Variants in TLE4 observed in about 807,000 individuals in gnomAD.
TLE4 encodes TLE family member 4, transcriptional corepressor.
Under a neutral mutation model 92.8 loss-of-function variants are expected in TLE4, and 8 were observed. That is an observed-to-expected ratio of 0.09 (90% CI 0.05 to 0.16). The LOEUF (loss-of-function observed/expected upper bound fraction) is 0.16, where lower values mean the gene tolerates loss of function less well. Among genes scored for constraint, TLE4 ranks in the 10% least tolerant of loss-of-function variants. TLE4 has a pLI of 1.00. For synonymous variants in TLE4, 371 were observed against 374.1 expected (o/e 0.99, Z 0.10); for missense variants, 675 against 997.6 (o/e 0.68, Z 4.36).
In TLE4 at chr9:79,649,754, A is replaced by G. The variant is rs914808937; in HGVS notation, c.391-2839A>G. 104 of 1,303,164 alleles carry G rather than the reference A, an allele frequency of 8.0e-5. No individual in the cohort carries two copies. In the African/African-American group the frequency reaches 1.4e-3, roughly 18 times the overall value. 80.7% of individuals were successfully genotyped at this position (1,303,164 alleles called of 1,614,324 possible). A position where few individuals can be genotyped will look rare whatever the true frequency, so the allele number is the denominator to read the frequency against. The stretch of plus-strand genomic sequence containing the variant: ...ACTGTGAATGTCATGTATAACTATG[A>G]TTTCTGCCTTTGAAAAGTTCTGGTC... On this transcript the variant is annotated intron_variant, in intron 6 of 19. Transcript: ENST00000376552.
At chr9:79,722,131 C>T (rs1331208209) in intron 17 of TLE4, among the ~76,000 whole-genome samples, 9 of 152,030 alleles carry the variant, frequency 5.9e-5, no homozygotes, top group Non-Finnish European at 1.2e-4. Flanking sequence ...TGCCACTGCA[C>T]TGCAGCCTGG....
At chr9:79,675,154 G>A (rs1365080838) in intron 8 of TLE4, among the ~76,000 whole-genome samples, 1 of 152,114 alleles carries the variant, frequency 6.6e-6, no homozygotes, top group Non-Finnish European at 1.5e-5. Flanking sequence ...TGATGAACAA[G>A]CACTTACACT....
At chr9:79,697,113 A>G (rs2068469254) in intron 8 of TLE4, among the ~76,000 whole-genome samples, 1 of 152,226 alleles carries the variant, frequency 6.6e-6, no homozygotes, top group African/African-American at 2.4e-5. Flanking sequence ...GAGTTAGCAT[A>G]CAAGATTTAT....
rs34212290 is a variant in TLE4 at position 79,628,873 on chromosome 9, A to AGTGTGTGT, written c.390+1454_390+1461dup. 3.0e-3 allele frequency among the ~76,000 whole-genome samples: 448 copies of AGTGTGTGT among 148,090 alleles called. 2 individuals are homozygous for AGTGTGTGT. Among genetic ancestry groups the AGTGTGTGT allele is most frequent in the African/African-American group, 8.0e-3 (322 of 40,060 alleles). On this transcript the variant is annotated intron_variant, in intron 6 of 19. Coordinates refer to ENST00000376552, the MANE Select transcript of TLE4 (RefSeq NM_007005.6). ...TGAGAAAGGTTTAATTTTAAAGTTA[A>AGTGTGTGT]GTGTGTGTGTGTGTGTGTGTGTGTG... is the stretch of plus-strand genomic sequence containing the variant.
intron 2 of TLE4, among the ~76,000 whole-genome samples, 189 bp from the exon 3 acceptor site, chr9:79,574,684 A>G (rs907712358): frequency 1.1e-4 from 17 of 152,142 alleles, no homozygotes; most frequent in African/African-American, 4.1e-4. Flanking sequence ...CACATATATG[A>G]TCCTTATTGA....
At chr9:79,668,123 G>C in intron 8 of TLE4, among the ~76,000 whole-genome samples, 1 of 152,248 alleles carries the variant, frequency 6.6e-6, no homozygotes, top group East Asian at 1.9e-4. Context: ...TGGTGGTATT[G>C]ACCCATCTAG....
At chr9:79,670,809 T>G (rs1435763890) in intron 8 of TLE4, among the ~76,000 whole-genome samples, 2 of 152,292 alleles carry the variant, frequency 1.3e-5, no homozygotes, top group African/African-American at 2.4e-5. Context: ...TTTGGCAGTC[T>G]TCTTCTCTAT....
chr9:79,608,228 A>T (rs888366834), intron 4 of TLE4, among the ~76,000 whole-genome samples: 6 of 151,896 alleles, frequency 4.0e-5, no homozygotes, highest in African/African-American at 1.5e-4. Context: ...CTACTTGAAA[A>T]TTTTTCCTTA....
chr9:79,704,143 T>C (rs1041688084), intron 8 of TLE4, among the ~76,000 whole-genome samples: 1 of 152,184 alleles, frequency 6.6e-6, no homozygotes, highest in African/African-American at 2.4e-5. Flanking sequence ...AGACAGAGTT[T>C]CACTCTGTCG....
chr9:79,608,819 A>T (rs1349560328), intron 4 of TLE4, among the ~76,000 whole-genome samples: 1 of 152,092 alleles, frequency 6.6e-6, no homozygotes, highest in East Asian at 1.9e-4. Context: ...TTTGATTACT[A>T]AAATAAAGCT....
At chr9:79,612,248 T>C (rs981114922) in intron 4 of TLE4, among the ~76,000 whole-genome samples, 2 of 152,154 alleles carry the variant, frequency 1.3e-5, no homozygotes, top group East Asian at 3.9e-4. Context: ...AATGATTTGC[T>C]AATTGATGGA....
At chr9:79,711,063 C>T (rs2073160064) in intron 14 of TLE4, among the ~76,000 whole-genome samples, 1 of 152,174 alleles carries the variant, frequency 6.6e-6, no homozygotes, top group Admixed American at 6.5e-5. Flanking sequence ...TTCAGTGTTG[C>T]CTAACCTAGA....
At chr9:79,650,568 G>C (rs186038357) in intron 6 of TLE4, among the ~76,000 whole-genome samples, 2 of 152,138 alleles carry the variant, frequency 1.3e-5, no homozygotes, top group African/African-American at 4.8e-5. Context: ...TGCACTGTTA[G>C]GAAATATAAT....
In TLE4 at chr9:79,652,592, G is replaced by A; in HGVS notation, c.391-1G>A. 1 of 1,614,010 alleles carries A rather than the reference G, an allele frequency of 6.2e-7. No homozygotes were observed. Among genetic ancestry groups the A allele is most frequent in the Non-Finnish European group, 8.5e-7 (1 of 1,179,954 alleles). ...TATCTGTGTTTAATTTTTCACAGCA[G>A]CAACAACTCCAGGCCCAGCATTTAT... On this transcript the variant is annotated splice_acceptor_variant, in intron 6 of 19. Transcript: ENST00000376552. LOFTEE classifies it high-confidence loss of function.
intron 5 of TLE4, among the ~76,000 whole-genome samples, chr9:79,618,666 TG>T (rs1270868230): frequency 6.6e-6 from 1 of 152,006 alleles, no homozygotes; most frequent in Non-Finnish European, 1.5e-5. Context: ...TTTTTGGTGG[TG>T]GTGGTTGTTT....
intron 8 of TLE4, among the ~76,000 whole-genome samples, chr9:79,691,598 A>T (rs1349799164): frequency 6.6e-6 from 1 of 151,670 alleles, no homozygotes; most frequent in Non-Finnish European, 1.5e-5. Context: ...GTGCTCTCCC[A>T]CCTGCTCCCT....
At chr9:79,707,538 C>T (rs545745547) in intron 11 of TLE4, among the ~76,000 whole-genome samples, 1 of 152,260 alleles carries the variant, frequency 6.6e-6, no homozygotes, top group Non-Finnish European at 1.5e-5. Flanking sequence ...TTTCTAATAA[C>T]CTCTGGAATT....
At chr9:79,627,727 T>C (rs2052994688) in intron 6 of TLE4, 2 of 395,694 alleles carry the variant, frequency 5.1e-6, no homozygotes, top group Non-Finnish European at 9.1e-6. Flanking sequence ...TCAGCTTGTG[T>C]TGCTAACCTA....
At position 79,708,938 on chromosome 9, in the gene TLE4, C is replaced by A. The variant is rs1265997303; in HGVS notation, c.1263+152C>A. 6.6e-6 allele frequency: 6 copies of A among 914,272 alleles called. No individual in the cohort carries two copies. In the Admixed American group the frequency reaches 1.2e-4, roughly 19 times the overall value. The allele number at this position is 914,272 out of a possible 1,614,324, so 56.6% of individuals were successfully genotyped here. On this transcript the variant is annotated intron_variant, in intron 13 of 19. Coordinates refer to ENST00000376552, the MANE Select transcript of TLE4 (RefSeq NM_007005.6). ...CCTCTGCCTCCTGGGCTTAAGCGAT[C>A]CTCCCACCTCAGCCTCTCAAGTAGC...
Sources: gnomAD v4.1 joint callset for allele counts (sites outside exome capture counted in the v4.1 genomes callset) on GRCh38, gnomAD v4.1.1 for gene constraint, MANE v1.5 for transcripts, NCBI Gene and HGNC (gene_info 2026-07-23, HGNC 2026-07-21) for gene names.